ADAMTS6: variants seen among roughly 807,000 people sequenced by gnomAD.
ADAMTS6 encodes A disintegrin and metalloproteinase with thrombospondin motifs 6.
Under a neutral mutation model 144.3 loss-of-function variants are expected in ADAMTS6, and 23 were observed. That is an observed-to-expected ratio of 0.16 (90% CI 0.11 to 0.23). The LOEUF (loss-of-function observed/expected upper bound fraction) is 0.23. Ranked by LOEUF, ADAMTS6 falls within the 10% of genes least tolerant of loss-of-function variation. ADAMTS6 has a pLI of 1.00. For missense variants in ADAMTS6, 999 were observed against 1,379.6 expected (o/e 0.72, Z 4.37); for synonymous variants, 444 against 457.5 (o/e 0.97, Z 0.38).
At chr5:65,354,053 A>G (rs16893721) in intron 7 of ADAMTS6, among the ~76,000 whole-genome samples, 11,734 of 151,832 alleles carry the variant, frequency 0.077, 1,545 homozygotes, top group African/African-American at 0.27. Context: ...CCACCTTTCT[A>G]TGTAAATATG....
At chr5:65,394,495 A>G (rs1753180863) in intron 7 of ADAMTS6, among the ~76,000 whole-genome samples, 1 of 152,196 alleles carries the variant, frequency 6.6e-6, no homozygotes, top group Non-Finnish European at 1.5e-5. Context: ...TTTTGGGGCA[A>G]CTTATCACGA....
chr5:65,262,532 G>A (rs1761287987), intron 13 of ADAMTS6, among the ~76,000 whole-genome samples: 1 of 152,140 alleles, frequency 6.6e-6, no homozygotes. Flanking sequence ...AGTTTTTGGA[G>A]GAGGAAATCT....
rs542581881 is a variant in ADAMTS6 at position 65,301,182 on chromosome 5, G to A, written c.1224-1051C>T. On this transcript the variant is annotated intron_variant, in intron 9 of 24. Transcript: ENST00000381055. Reference sequence around the variant, plus strand: ...AACAATAAAAATGTTTTTCTGAAAAGGATATACCCACTACATACCATATAT... The same window carrying A: ...AACAATAAAAATGTTTTTCTGAAAAAGATATACCCACTACATACCATATAT... Among the ~76,000 whole-genome samples, 512 of 152,172 alleles carry A rather than the reference G, an allele frequency of 3.4e-3. 3 individuals carry two copies. Among genetic ancestry groups the A allele is most frequent in the African/African-American group, 0.012 (500 of 41,514 alleles).
At chr5:65,200,497 C>T (rs975922250) in intron 20 of ADAMTS6, among the ~76,000 whole-genome samples, 1 of 152,102 alleles carries the variant, frequency 6.6e-6, no homozygotes, top group African/African-American at 2.4e-5. Flanking sequence ...CATCCAGTTA[C>T]ACGAAACCAC....
chr5:65,219,587 T>C (rs1294970727), intron 18 of ADAMTS6, among the ~76,000 whole-genome samples: 1 of 152,148 alleles, frequency 6.6e-6, no homozygotes, highest in Non-Finnish European at 1.5e-5. Flanking sequence ...AAAGAATATT[T>C]TTAAGAGATG....
chr5:65,250,438 T>C (rs1760053900), intron 14 of ADAMTS6, among the ~76,000 whole-genome samples: 1 of 152,216 alleles, frequency 6.6e-6, no homozygotes, highest in African/African-American at 2.4e-5. Context: ...CACTGTTTAA[T>C]GATCTTAGGC....
At chr5:65,179,149 G>T (rs1754172270) in intron 22 of ADAMTS6, among the ~76,000 whole-genome samples, 2 of 152,220 alleles carry the variant, frequency 1.3e-5, no homozygotes, top group South Asian at 4.1e-4. Flanking sequence ...GACTTGTACA[G>T]TAAGGACTTC....
chr5:65,274,076 T>G (rs1007501861), intron 11 of ADAMTS6, among the ~76,000 whole-genome samples: 1 of 152,204 alleles, frequency 6.6e-6, no homozygotes, highest in Admixed American at 6.5e-5. Flanking sequence ...CTGCTGTTTA[T>G]AGAATGCTTT....
At chr5:65,414,966 A>C (rs761464332) in intron 7 of ADAMTS6, among the ~76,000 whole-genome samples, 1 of 152,236 alleles carries the variant, frequency 6.6e-6, no homozygotes, top group Non-Finnish European at 1.5e-5. Flanking sequence ...CAAGTAATGA[A>C]AGAAAAAAAC....
In ADAMTS6 at chr5:65,214,665, A is replaced by G; in HGVS notation, c.2575+129T>C. 1.5e-6 allele frequency: 2 copies of G among 1,369,554 alleles called. No individual in the cohort carries two copies. Among genetic ancestry groups the G allele is most frequent in the South Asian group, 2.4e-5 (2 of 82,568 alleles). 84.8% of individuals were successfully genotyped at this position (1,369,554 alleles called of 1,614,324 possible). A position where few individuals can be genotyped will look rare whatever the true frequency, so the allele number is the denominator to read the frequency against. On this transcript the variant is annotated intron_variant, in intron 20 of 24. Coordinates refer to ENST00000381055, the MANE Select transcript of ADAMTS6 (RefSeq NM_197941.4). The surrounding 1 kb of genome is among the most constrained non-coding windows in gnomAD (Gnocchi z 4.6). ...AATTAAAGCAAAGTTTCTTTTGCTA[A>G]ATTACAGCTTGAAGCAAACCTGCAA...
At chr5:65,232,142 C>T (rs578204766) in intron 15 of ADAMTS6, among the ~76,000 whole-genome samples, 1 of 152,070 alleles carries the variant, frequency 6.6e-6, no homozygotes, top group South Asian at 2.1e-4. Context: ...AACAACAAAA[C>T]AAACCAACAA....
intron 11 of ADAMTS6, among the ~76,000 whole-genome samples, chr5:65,280,876 G>A (rs900824168): frequency 6.6e-5 from 10 of 152,106 alleles, no homozygotes; most frequent in East Asian, 1.9e-4. Context: ...CAATCAATGC[G>A]TAAAAGCAGA....
chr5:65,373,947 G>T (rs548944095), intron 7 of ADAMTS6, among the ~76,000 whole-genome samples: 12 of 152,304 alleles, frequency 7.9e-5, no homozygotes, highest in African/African-American at 2.9e-4. Context: ...TGCAAGGCTG[G>T]TTCAATATAC....
intron 7 of ADAMTS6, among the ~76,000 whole-genome samples, chr5:65,361,455 A>G (rs1749813714): frequency 6.6e-6 from 1 of 152,170 alleles, no homozygotes; most frequent in Non-Finnish European, 1.5e-5. Flanking sequence ...CCTCAGTTTC[A>G]ACCTACAACT....
chr5:65,432,799 C>T (rs1339728719), intron 7 of ADAMTS6, among the ~76,000 whole-genome samples: 1 of 152,120 alleles, frequency 6.6e-6, no homozygotes, highest in African/African-American at 2.4e-5. Context: ...TCATCCTCCC[C>T]TTTGTTCACT....
intron 15 of ADAMTS6, among the ~76,000 whole-genome samples, chr5:65,230,115 A>C (rs1416761956): frequency 6.6e-6 from 1 of 151,776 alleles, no homozygotes; most frequent in South Asian, 2.1e-4. Context: ...TTGTGAATGG[A>C]CTACGATATA....
At chr5:65,437,074 G>C (rs1344913885) in intron 7 of ADAMTS6, among the ~76,000 whole-genome samples, 1 of 150,476 alleles carries the variant, frequency 6.6e-6, no homozygotes, top group Non-Finnish European at 1.5e-5. Flanking sequence ...CAAGAGAAGA[G>C]AGAGCTTGTG....
intron 20 of ADAMTS6, among the ~76,000 whole-genome samples, chr5:65,208,802 G>T (rs78676550): frequency 0.14 from 21,844 of 152,096 alleles, 1,653 homozygotes; most frequent in Non-Finnish European, 0.17. Flanking sequence ...CTATAATATA[G>T]ATTATTACCT....
intron 7 of ADAMTS6, among the ~76,000 whole-genome samples, chr5:65,441,328 T>A (rs2150232400): frequency 6.6e-6 from 1 of 152,196 alleles, no homozygotes; most frequent in African/African-American, 2.4e-5. Context: ...AAGCAGACCA[T>A]ACGTGAGTTG....
Sources: allele counts gnomAD v4.1 joint callset (sites outside exome capture counted in the v4.1 genomes callset), GRCh38; gene constraint gnomAD v4.1.1; non-coding constraint Gnocchi (gnomAD v3.1); transcripts MANE v1.5; gene names NCBI Gene and HGNC (gene_info 2026-07-23, HGNC 2026-07-21).